Variants in STAT4 observed in about 807,000 individuals in gnomAD.
STAT4 encodes the protein signal transducer and activator of transcription 4.
Under a neutral mutation model 110.5 loss-of-function variants are expected in STAT4, and 42 were observed. That is an observed-to-expected ratio of 0.38 (90% confidence interval 0.30 to 0.49). STAT4 has a LOEUF of 0.49. STAT4 is among the 20% of genes least tolerant of loss of function. The probability of loss-of-function intolerance (pLI) is 0.95; values close to 1 mark genes in which losing one functional copy is unlikely to be tolerated. For missense variants in STAT4, 632 were observed against 887.9 expected, an observed-to-expected ratio of 0.71 and a Z score of 3.66; for synonymous variants, 284 against 302.2, an observed-to-expected ratio of 0.94 and a Z score of 0.63.
chr2:191,094,917 C>CAAA (rs1165913847), intron 3 of STAT4, among the ~76,000 whole-genome samples: 5,930 of 77,804 alleles, frequency 0.076, 328 homozygotes, highest in African/African-American at 0.12. Flanking sequence ...AAATGGAAAG[C>CAAA]AAAAAAAAAA....
At chr2:191,069,224 T>C (rs567817266) in intron 6 of STAT4, among the ~76,000 whole-genome samples, 2 of 152,206 alleles carry the variant, frequency 1.3e-5, no homozygotes, top group African/African-American at 2.4e-5. Context: ...ATTTTTTTAA[T>C]GCTTTTGCCT....
rs150699569 is a variant in STAT4 at position 191,029,957 on chromosome 2, C to A, written c.2221-91G>T. On this transcript the variant is annotated intron_variant, in intron 23 of 23. Coordinates refer to ENST00000392320, the MANE Select transcript of STAT4 (RefSeq NM_003151.4). The surrounding 1 kb of genome is among the most constrained non-coding windows in gnomAD (Gnocchi z 4.5). ...GGGCAAATAAACGTCCTCTTTTCTA[C>A]GAATTACTCCATAATTTTTCTATTA... is the stretch of plus-strand genomic sequence containing the variant. 4 of 966,110 alleles carry A rather than the reference C, an allele frequency of 4.1e-6. No homozygotes were observed. Among genetic ancestry groups the A allele is most frequent in the Middle Eastern group, 2.5e-4 (1 of 4,062 alleles). The allele number at this position is 966,110 out of a possible 1,614,324, so 59.8% of individuals were successfully genotyped here.
At chr2:191,040,022 A>G (rs918422049) in intron 15 of STAT4, among the ~76,000 whole-genome samples, 3 of 152,216 alleles carry the variant, frequency 2.0e-5, no homozygotes, top group African/African-American at 7.2e-5. Flanking sequence ...TGAGGAAGGA[A>G]TCTATGAAAG....
intron 3 of STAT4, among the ~76,000 whole-genome samples, chr2:191,094,917 CAAAAAAAAAAAA>C (rs1165913847): frequency 1.3e-5 from 1 of 77,920 alleles, no homozygotes; most frequent in Non-Finnish European, 2.3e-5. Flanking sequence ...AAATGGAAAG[CAAAAAAAAAAAA>C]AAAAAAAAAG....
intron 3 of STAT4, among the ~76,000 whole-genome samples, chr2:191,092,276 C>A (rs547298446): frequency 1.3e-5 from 2 of 151,978 alleles, no homozygotes; most frequent in Non-Finnish European, 2.9e-5. Context: ...TGGTGGCATG[C>A]GCCTGTAATC....
intron 14 of STAT4, among the ~76,000 whole-genome samples, chr2:191,048,968 T>TAAAGAAAAA (rs1305750684): frequency 6.6e-6 from 1 of 151,716 alleles, no homozygotes; most frequent in Non-Finnish European, 1.5e-5. Flanking sequence ...ATTGTACTTC[T>TAAAGAAAAA]AAAGAAAAAT....
Position 191,066,371 on chromosome 2 carries a change from C to T in STAT4, c.630+59G>A. ...GACAGCTTGATTATTTTCAGTTAGT[C>T]TAAGTTTAGAAAAAAGGAGAAAAAT... On this transcript the variant is annotated intron_variant, in intron 7 of 23. Transcript: ENST00000392320. This position sits in a 1 kb window ranked among gnomAD's most constrained non-coding sequence, Gnocchi z 4.3. The T allele has an allele frequency of 1.2e-5, 17 of 1,437,788 alleles. No individual in the cohort carries two copies. Among genetic ancestry groups the T allele is most frequent in the Admixed American group, 1.7e-5 (1 of 57,516 alleles). 89.1% of individuals were successfully genotyped at this position (1,437,788 alleles called of 1,614,324 possible). A position where few individuals can be genotyped will look rare whatever the true frequency, so the allele number is the denominator to read the frequency against.
chr2:191,087,188 T>C (rs377752462), intron 3 of STAT4, among the ~76,000 whole-genome samples: 1 of 152,182 alleles, frequency 6.6e-6, no homozygotes, highest in African/African-American at 2.4e-5. Flanking sequence ...AAAGAAGATA[T>C]GAAACAATAT....
At position 191,140,997 on chromosome 2, in the gene STAT4, A is replaced by C. The variant is rs1399290883; in HGVS notation, c.273+5616T>G. On this transcript the variant is annotated intron_variant, in intron 3 of 23. Coordinates refer to ENST00000392320, the MANE Select transcript of STAT4 (RefSeq NM_003151.4). This position sits in a 1 kb window ranked among gnomAD's most constrained non-coding sequence, Gnocchi z 4.4. ...TGAAGTAACTCATAAATGGAAAACC[A>C]AATATCATATGTTCTCACAAGTGGG... Among the ~76,000 whole-genome samples the C allele has an allele frequency of 3.3e-5, 5 of 152,194 alleles. No homozygotes were observed. The highest frequency in any genetic ancestry group is 6.5e-5 in the Admixed American group (1 of 15,278).
intron 3 of STAT4, among the ~76,000 whole-genome samples, chr2:191,102,459 G>A (rs1374782220): frequency 1.3e-5 from 2 of 152,020 alleles, no homozygotes; most frequent in Non-Finnish European, 2.9e-5. Context: ...TGCACCCAGT[G>A]GTTCACAACC....
intron 1 of STAT4, among the ~76,000 whole-genome samples, chr2:191,148,754 G>T (rs1287490666): frequency 6.6e-6 from 1 of 152,000 alleles, no homozygotes; most frequent in Non-Finnish European, 1.5e-5. Flanking sequence ...TTTTGTCTTA[G>T]CTTCATGAAG....
At chr2:191,121,762 G>A (rs915681803) in intron 3 of STAT4, among the ~76,000 whole-genome samples, 2 of 142,938 alleles carry the variant, frequency 1.4e-5, no homozygotes, top group Non-Finnish European at 3.0e-5. Context: ...CACACACCAG[G>A]GCCTGTTGTG....
In STAT4 at chr2:191,083,786, G is replaced by T. The variant is rs891337695; in HGVS notation, c.274-7461C>A. Among the ~76,000 whole-genome samples, 6 of 151,996 alleles carry T rather than the reference G, an allele frequency of 3.9e-5. No homozygotes were observed. Among genetic ancestry groups the T allele is most frequent in the Admixed American group, 1.3e-4 (2 of 15,250 alleles). On this transcript the variant is annotated intron_variant, in intron 3 of 23. Transcript: ENST00000392320. The surrounding 1 kb of genome is among the most constrained non-coding windows in gnomAD (Gnocchi z 4.6). ...ATGTCAAACACACTGGCCTGTGTGG[G>T]TATCAAACTGACTTACTCATAAATT...
In STAT4 at chr2:191,113,040, GGCCCATCAGTTGT is replaced by G. The variant is rs1698469160; in HGVS notation, c.273+33560_273+33572del. Among the ~76,000 whole-genome samples, 1 of 152,198 alleles carries G rather than the reference GGCCCATCAGTTGT, an allele frequency of 6.6e-6. No individual in the cohort carries two copies. Among genetic ancestry groups the G allele is most frequent in the South Asian group, 2.1e-4 (1 of 4,828 alleles). On this transcript the variant is annotated intron_variant, in intron 3 of 23. Coordinates refer to ENST00000392320, the MANE Select transcript of STAT4 (RefSeq NM_003151.4). This position sits in a 1 kb window ranked among gnomAD's most constrained non-coding sequence, Gnocchi z 4.8. ...AATACTCACACGAGTAGGGCAAGTG[GGCCCATCAGTTGT>G]GCTGGTCTAAGCTCCCCATGTCTCA...
At position 191,116,168 on chromosome 2, in the gene STAT4, A is replaced by C. The variant is rs1184179585; in HGVS notation, c.273+30445T>G. On this transcript the variant is annotated intron_variant, in intron 3 of 23. Coordinates refer to ENST00000392320, the MANE Select transcript of STAT4 (RefSeq NM_003151.4). This position sits in a 1 kb window ranked among gnomAD's most constrained non-coding sequence, Gnocchi z 4.1. ...TGGACAAAGTCAATGGTACTCTTCC[A>C]TTCCCAATGTGAAGCTAAGATCACA... Among the ~76,000 whole-genome samples, 1 of 152,210 alleles carries C rather than the reference A, an allele frequency of 6.6e-6. No homozygotes were observed. The highest frequency in any genetic ancestry group is 1.5e-5 in the Non-Finnish European group (1 of 68,032).
At chr2:191,139,783 C>T (rs1345691697) in intron 3 of STAT4, among the ~76,000 whole-genome samples, 1 of 152,112 alleles carries the variant, frequency 6.6e-6, no homozygotes, top group Non-Finnish European at 1.5e-5. Flanking sequence ...CAAAAAACAA[C>T]CTGCATAGCC....
intron 3 of STAT4, among the ~76,000 whole-genome samples, chr2:191,119,843 G>C (rs1698669965): frequency 6.6e-6 from 1 of 152,086 alleles, no homozygotes; most frequent in African/African-American, 2.4e-5. Flanking sequence ...ACATACTAGA[G>C]ACTCACATAA....
rs3024897 is a variant in STAT4, at chr2:191,031,838, G to C, written c.2045-322C>G. Among the ~76,000 whole-genome samples the C allele has an allele frequency of 0.1, 15,223 of 152,212 alleles. 827 individuals are homozygous for C. The highest frequency in any genetic ancestry group is 0.16 in the East Asian group (807 of 5,172). On this transcript the variant is annotated intron_variant, in intron 21 of 23. Transcript: ENST00000392320. This position sits in a 1 kb window ranked among gnomAD's most constrained non-coding sequence, Gnocchi z 4.8. ...TCATTTATGTTTGATTATAAGGACTGATTGAGTCATGTTTTGGGAGATATA... is the reference window on the plus strand; with the variant it reads ...TCATTTATGTTTGATTATAAGGACTCATTGAGTCATGTTTTGGGAGATATA...
In STAT4 at chr2:191,061,386, T is replaced by G. The variant is rs113512703; in HGVS notation, c.1034+343A>C. On this transcript the variant is annotated intron_variant, in intron 10 of 23. Coordinates refer to ENST00000392320, the MANE Select transcript of STAT4 (RefSeq NM_003151.4). This position sits in a 1 kb window ranked among gnomAD's most constrained non-coding sequence, Gnocchi z 6.2. Reference sequence around the variant, plus strand: ...CAGACAGAGCCAGGAAGCCATTATTTCTGTATTCTCACTCTCCTACAATCC... The same window carrying G: ...CAGACAGAGCCAGGAAGCCATTATTGCTGTATTCTCACTCTCCTACAATCC... Among the ~76,000 whole-genome samples the G allele has an allele frequency of 2.0e-5, 3 of 152,260 alleles. No individual in the cohort carries two copies. The highest frequency in any genetic ancestry group is 7.2e-5 in the African/African-American group (3 of 41,546).
Sources: gnomAD v4.1 joint callset for allele counts (sites outside exome capture counted in the v4.1 genomes callset) on GRCh38, gnomAD v4.1.1 for gene constraint, Gnocchi (gnomAD v3.1) non-coding constraint, MANE v1.5 for transcripts, NCBI Gene and HGNC (gene_info 2026-07-23, HGNC 2026-07-21) for gene names.